The following MAP4K4 variants were observed in gnomAD, a reference collection of about 807,000 sequenced individuals.
The protein encoded by MAP4K4 is HPK/GCK-like kinase HGK.
In MAP4K4, 38 loss-of-function variants were observed where a neutral mutation model predicts 189.6. The ratio of observed to expected loss-of-function variants is 0.20; its 90% confidence interval spans 0.15 to 0.26. The LOEUF (loss-of-function observed/expected upper bound fraction) is 0.26, where lower values mean the gene tolerates loss of function less well. MAP4K4 is among the 10% of genes least tolerant of loss of function. The pLI is 1.00. For missense variants in MAP4K4, 1,054 were observed against 1,726.9 expected, an observed-to-expected ratio of 0.61 and a Z score of 6.91; for synonymous variants, 610 against 624.3, an observed-to-expected ratio of 0.98 and a Z score of 0.34.
chr2:101,811,113 C>A (rs2095393962), intron 3 of MAP4K4, among the ~76,000 whole-genome samples: 1 of 152,104 alleles, frequency 6.6e-6, no homozygotes, highest in Admixed American at 6.5e-5. Flanking sequence ...GTGGCTCACA[C>A]CTGTAATCCC....
rs34317575 is a variant in MAP4K4, at chr2:101,712,903, C to CT, written c.123+14382dup. Among the ~76,000 whole-genome samples, 1,103 of 130,550 alleles carry CT rather than the reference C, an allele frequency of 8.4e-3. 7 individuals are homozygous for CT. The highest frequency in any genetic ancestry group is 0.018 in the South Asian group (69 of 3,904). The allele number at this position is 130,550 out of a possible 152,430, so 85.6% of individuals were successfully genotyped here. ...TTAAAAGTTTCTGTTAAACCAAAAT[C>CT]TTTTTTTTTTTTTTTTTGAGACAGA... On this transcript the variant is annotated intron_variant, in intron 2 of 32. Coordinates refer to ENST00000324219, the Ensembl canonical transcript of MAP4K4.
At chr2:101,802,690 C>T (rs2094479046) in intron 3 of MAP4K4, among the ~76,000 whole-genome samples, 4 of 152,174 alleles carry the variant, frequency 2.6e-5, no homozygotes. Flanking sequence ...ATATAACTGG[C>T]ATATTTATTC....
exon 10 of MAP4K4, chr2:101,839,828 G>A (rs1576559061): frequency 1.3e-6 from 2 of 1,586,018 alleles, no homozygotes; most frequent in Non-Finnish European, 1.7e-6. Context: ...GGTCGAAGAA[G>A]TTTTTTAGTT....
chr2:101,870,237 C>T, intron 22 of MAP4K4, 58 bp from the exon 23 acceptor site: 1 of 1,578,940 alleles, frequency 6.3e-7, no homozygotes. Flanking sequence ...AAAGCCTAAA[C>T]AGGATCTCCT....
intron 2 of MAP4K4, among the ~76,000 whole-genome samples, chr2:101,725,643 C>T (rs1261479890): frequency 6.6e-6 from 1 of 152,126 alleles, no homozygotes; most frequent in Non-Finnish European, 1.5e-5. Flanking sequence ...TGATGGCCAT[C>T]ACCATTTTGG....
chr2:101,850,732 G>A (rs1288684204), intron 12 of MAP4K4, among the ~76,000 whole-genome samples: 1 of 152,164 alleles, frequency 6.6e-6, no homozygotes, highest in East Asian at 1.9e-4. Flanking sequence ...TTGCATTTAA[G>A]AACTCCTCAT....
chr2:101,808,783 A>T (rs866512856), intron 3 of MAP4K4, among the ~76,000 whole-genome samples: 27 of 151,834 alleles, frequency 1.8e-4, no homozygotes, highest in Non-Finnish European at 1.0e-4. Flanking sequence ...ATTAATGTAT[A>T]TTTTTTTAGT....
intron 3 of MAP4K4, among the ~76,000 whole-genome samples, chr2:101,797,074 A>G (rs909507283): frequency 6.6e-6 from 1 of 152,204 alleles, no homozygotes; most frequent in Non-Finnish European, 1.5e-5. Flanking sequence ...TAAAACAAGC[A>G]TATTCCAGTG....
intron 2 of MAP4K4, among the ~76,000 whole-genome samples, chr2:101,770,614 C>T (rs1272637519): frequency 2.6e-5 from 4 of 152,148 alleles, no homozygotes; most frequent in Non-Finnish European, 5.9e-5. Context: ...AAAAATATTA[C>T]AGTATGAAGC....
At chr2:101,805,849 T>G (rs1208852448) in intron 3 of MAP4K4, among the ~76,000 whole-genome samples, 1 of 152,188 alleles carries the variant, frequency 6.6e-6, no homozygotes, top group East Asian at 1.9e-4. Context: ...GCAGCACTCT[T>G]TGGGATTCTT....
chr2:101,758,860 G>A (rs752013935), intron 2 of MAP4K4, among the ~76,000 whole-genome samples: 32 of 152,100 alleles, frequency 2.1e-4, no homozygotes, highest in Non-Finnish European at 1.0e-4. Context: ...CTGGCCGGGC[G>A]CGGTGGCTCA....
chr2:101,830,499 CTTTATG>C (rs1411204318), intron 6 of MAP4K4, among the ~76,000 whole-genome samples: 1 of 152,126 alleles, frequency 6.6e-6, no homozygotes, highest in African/African-American at 2.4e-5. Context: ...CAACAAAATT[CTTTATG>C]TTTATATGGG....
intron 2 of MAP4K4, among the ~76,000 whole-genome samples, chr2:101,755,902 A>G (rs1025433490): frequency 2.1e-5 from 3 of 140,796 alleles, no homozygotes; most frequent in African/African-American, 5.3e-5. Context: ...ATGCGGGGAA[A>G]CTTTATTTAT....
intron 3 of MAP4K4, among the ~76,000 whole-genome samples, chr2:101,809,770 C>T (rs543722112): frequency 1.3e-5 from 2 of 152,244 alleles, no homozygotes; most frequent in Admixed American, 1.3e-4. Flanking sequence ...CTTAGCCTCT[C>T]TCAAAGCTGG....
intron 27 of MAP4K4, among the ~76,000 whole-genome samples, chr2:101,881,334 A>G (rs752638224): frequency 5.3e-5 from 8 of 152,206 alleles, no homozygotes; most frequent in Non-Finnish European, 8.8e-5. Context: ...TTAGGCTTGT[A>G]TCCTGCAACC....
intron 2 of MAP4K4, among the ~76,000 whole-genome samples, chr2:101,699,393 A>G (rs1027293601): frequency 2.0e-5 from 3 of 152,238 alleles, no homozygotes; most frequent in African/African-American, 7.2e-5. Context: ...ATTATGAAAG[A>G]TGTGTAGGGA....
At chr2:101,756,731 T>A (rs941276234) in intron 2 of MAP4K4, among the ~76,000 whole-genome samples, 1 of 144,726 alleles carries the variant, frequency 6.9e-6, no homozygotes, top group Non-Finnish European at 1.5e-5. Context: ...ATTTTTGTAT[T>A]TTTTTTTTTT....
chr2:101,796,517 T>A (rs1353163117), intron 3 of MAP4K4, among the ~76,000 whole-genome samples: 2 of 152,202 alleles, frequency 1.3e-5, no homozygotes, highest in African/African-American at 2.4e-5. Context: ...GATCTTTGAT[T>A]CCCTACTTAC....
intron 12 of MAP4K4, among the ~76,000 whole-genome samples, chr2:101,848,799 C>G (rs1010785969): frequency 2.0e-5 from 3 of 152,178 alleles, no homozygotes; most frequent in South Asian, 4.1e-4. Flanking sequence ...CTGCCTCCTC[C>G]TTGTCTCTTG....
Sources: allele counts gnomAD v4.1 joint callset (sites outside exome capture counted in the v4.1 genomes callset), GRCh38; gene constraint gnomAD v4.1.1; transcripts MANE v1.5; gene names NCBI Gene and HGNC (gene_info 2026-07-23, HGNC 2026-07-21).